Variants in KCNH1 observed in about 807,000 individuals in gnomAD.
The protein encoded by KCNH1 is potassium voltage-gated channel subfamily H member 1.
KCNH1 carries 27 observed loss-of-function variants against 69.2 expected under a neutral mutation model. That is an observed-to-expected ratio of 0.39 (90% confidence interval 0.29 to 0.54). KCNH1 has a LOEUF of 0.54. Ranked by LOEUF, KCNH1 falls within the 20% of genes least tolerant of loss-of-function variation. The probability of loss-of-function intolerance (pLI) is 0.68; values close to 1 mark genes in which losing one functional copy is unlikely to be tolerated. For missense variants in KCNH1, 798 were observed against 1,261.6 expected (o/e 0.63, Z 5.57); for synonymous variants, 456 against 487.7 (o/e 0.93, Z 0.86).
chr1:210,810,274 G>C (rs1245747836), intron 7 of KCNH1, among the ~76,000 whole-genome samples: 2 of 152,160 alleles, frequency 1.3e-5, no homozygotes, highest in African/African-American at 4.8e-5. Flanking sequence ...GTCAGAACCA[G>C]TAGGATCCCT....
chr1:210,922,007 A>G (rs1687467557), intron 6 of KCNH1, among the ~76,000 whole-genome samples: 1 of 152,104 alleles, frequency 6.6e-6, no homozygotes, highest in African/African-American at 2.4e-5. Flanking sequence ...CCTTGTCAAT[A>G]TAGACCATAC....
chr1:210,735,830 G>C (rs1003979197), intron 10 of KCNH1, among the ~76,000 whole-genome samples: 5 of 151,990 alleles, frequency 3.3e-5, no homozygotes, highest in African/African-American at 1.2e-4. Context: ...CAGAGAGAGA[G>C]AGAGAGAGAG....
At chr1:211,114,022 A>G (rs1325639708) in intron 1 of KCNH1, among the ~76,000 whole-genome samples, 1 of 151,912 alleles carries the variant, frequency 6.6e-6, no homozygotes, top group Non-Finnish European at 1.5e-5. Context: ...ACACACAGAG[A>G]AAGAGAGAAT....
At chr1:210,858,988 T>A in intron 7 of KCNH1, 1 of 306,562 alleles carries the variant, frequency 3.3e-6, no homozygotes, top group Admixed American at 4.2e-5. Context: ...ATCCCACTGG[T>A]TTCTTTTCCA....
At chr1:210,955,481 A>AT (rs1275053832) in intron 6 of KCNH1, among the ~76,000 whole-genome samples, 2 of 152,106 alleles carry the variant, frequency 1.3e-5, no homozygotes, top group Non-Finnish European at 2.9e-5. Flanking sequence ...GAATCTGTAA[A>AT]TTATCTTGGG....
chr1:211,087,344 A>G (rs1447533230), intron 4 of KCNH1, among the ~76,000 whole-genome samples: 3 of 152,188 alleles, frequency 2.0e-5, no homozygotes, highest in Admixed American at 2.0e-4. Flanking sequence ...GGGATAATAG[A>G]GAAAACAAGA....
intron 7 of KCNH1, among the ~76,000 whole-genome samples, chr1:210,812,078 C>T (rs768558327): frequency 6.6e-6 from 1 of 152,128 alleles, no homozygotes; most frequent in African/African-American, 2.4e-5. Flanking sequence ...AAGAGTGGTA[C>T]GATGATTTTC....
chr1:211,081,512 T>C (rs1344879249), intron 5 of KCNH1, among the ~76,000 whole-genome samples: 2 of 152,194 alleles, frequency 1.3e-5, no homozygotes, highest in Non-Finnish European at 2.9e-5. Context: ...TAAAGACACA[T>C]GCACACGTAC....
At chr1:210,830,528 G>A (rs541193303) in intron 7 of KCNH1, among the ~76,000 whole-genome samples, 120 of 152,226 alleles carry the variant, frequency 7.9e-4, no homozygotes, top group African/African-American at 2.8e-3. Flanking sequence ...GAATAAACCA[G>A]ATTCTGTGTC....
chr1:210,814,949 T>C (rs1330838331), intron 7 of KCNH1, among the ~76,000 whole-genome samples: 1 of 152,152 alleles, frequency 6.6e-6, no homozygotes, highest in African/African-American at 2.4e-5. Flanking sequence ...CTGCATTCAG[T>C]GGATGCATTC....
At chr1:211,036,820 G>C (rs1689907421) in intron 5 of KCNH1, among the ~76,000 whole-genome samples, 1 of 152,104 alleles carries the variant, frequency 6.6e-6, no homozygotes, top group Non-Finnish European at 1.5e-5. Context: ...TCCTAGGAGA[G>C]GCTTGTGTCT....
chr1:210,703,667 C>CCTAA (rs540904313), intron 10 of KCNH1, among the ~76,000 whole-genome samples: 5 of 152,184 alleles, frequency 3.3e-5, no homozygotes, highest in Non-Finnish European at 4.4e-5. Context: ...ATGCTGCCTT[C>CCTAA]CTAACTAACT....
At chr1:210,975,427 C>T (rs894709867) in intron 6 of KCNH1, among the ~76,000 whole-genome samples, 1 of 152,102 alleles carries the variant, frequency 6.6e-6, no homozygotes, top group African/African-American at 2.4e-5. Flanking sequence ...CAGAACAGAG[C>T]CTTCAGGAAT....
chr1:210,947,468 G>A (rs1047958085), intron 6 of KCNH1, among the ~76,000 whole-genome samples: 18 of 151,712 alleles, frequency 1.2e-4, no homozygotes, highest in Non-Finnish European at 2.1e-4. Context: ...CCAGCTACTC[G>A]GGAGGCTGAG....
intron 5 of KCNH1, among the ~76,000 whole-genome samples, chr1:211,067,989 T>C (rs1195927001): frequency 6.6e-6 from 1 of 152,230 alleles, no homozygotes; most frequent in African/African-American, 2.4e-5. Context: ...CCTTCTTTTC[T>C]TGAATCAGTC....
intron 6 of KCNH1, among the ~76,000 whole-genome samples, chr1:211,010,972 G>A (rs1273111091): frequency 6.6e-6 from 1 of 152,082 alleles, no homozygotes; most frequent in Non-Finnish European, 1.5e-5. Flanking sequence ...CTGCTCCCCA[G>A]TGCTAAACTC....
chr1:210,785,061 T>C lies in KCNH1; in HGVS notation c.1916-9517A>G, dbSNP rs1684068403. ...GAGATCATCTCTATCTTCAAAGAGA[T>C]GATACAGAGATGATGCTTACAATAT... On this transcript the variant is annotated intron_variant, in intron 9 of 10. Coordinates refer to ENST00000271751, the MANE Select transcript of KCNH1 (RefSeq NM_172362.3). 1.3e-5 allele frequency among the ~76,000 whole-genome samples: 2 copies of C among 152,176 alleles called. 1 individual carries two copies. The highest frequency in any genetic ancestry group is 4.1e-4 in the South Asian group (2 of 4,830).
chr1:211,127,390 A>C (rs12061710), intron 1 of KCNH1, among the ~76,000 whole-genome samples: 1 of 150,728 alleles, frequency 6.6e-6, no homozygotes, highest in African/African-American at 2.5e-5. Flanking sequence ...CTGCTTCTCA[A>C]ATTAAGAAAA....
intron 6 of KCNH1, among the ~76,000 whole-genome samples, chr1:210,957,548 TAA>T (rs1250289511): frequency 2.0e-5 from 3 of 152,180 alleles, no homozygotes; most frequent in African/African-American, 7.2e-5. Context: ...TGTGGGAGCC[TAA>T]GTCTCTTTGT....
Sources: gnomAD v4.1 joint callset for allele counts (sites outside exome capture counted in the v4.1 genomes callset) on GRCh38, gnomAD v4.1.1 for gene constraint, MANE v1.5 for transcripts, NCBI Gene and HGNC (gene_info 2026-07-23, HGNC 2026-07-21) for gene names.